The following COL2A1 variants were observed in gnomAD, a reference collection of about 807,000 sequenced individuals.
COL2A1 encodes collagen type II alpha 1 chain.
A neutral mutation model predicts 204.5 loss-of-function variants in COL2A1; 28 were observed. The observed-to-expected ratio is 0.14, with a 90% confidence interval of 0.10 to 0.19. The LOEUF (loss-of-function observed/expected upper bound fraction) is 0.19. Among genes scored for constraint, COL2A1 ranks in the 10% least tolerant of loss-of-function variants. The pLI, the probability that COL2A1 is intolerant of heterozygous loss-of-function variation, is 1.00. For missense variants in COL2A1, 1,388 were observed against 2,027.5 expected, an observed-to-expected ratio of 0.68 and a Z score of 6.06; for synonymous variants, 708 against 718.7, an observed-to-expected ratio of 0.99 and a Z score of 0.24.
At chr12:47,990,854 C>T (rs1463699738) in intron 16 of COL2A1, among the ~76,000 whole-genome samples, 1 of 152,142 alleles carries the variant, frequency 6.6e-6, no homozygotes, top group Non-Finnish European at 1.5e-5. Flanking sequence ...CTCTGGGGGC[C>T]ACAGGCTGGG....
rs1190060899 is a variant in COL2A1, at chr12:48,000,125, T to G, written c.86A>C (p.Gln29Pro). The G allele has an allele frequency of 3.1e-6, 5 of 1,611,076 alleles. No homozygotes were observed. ...AVLRCQGQDV[Q>P]EAGSCVQDGQ... is the part of the protein sequence containing the mutation. ...ATCCTGCACACAGCTGCCAGCCTCC[T>G]CTGCACCAAGGGTGGGGAGGGAGAA... The change falls in exon 2 of 54, where the codon CAG becomes CCG. Residue 29 changes from glutamine to proline, a missense_variant and splice_region_variant. By Grantham distance (76) the Gln-to-Pro change is moderately conservative. Transcript: ENST00000380518.
rs1261996961 is a variant in COL2A1, at chr12:47,987,055, TG to T, written c.1365+22del. The T allele has an allele frequency of 1.9e-6, 3 of 1,609,372 alleles. No individual in the cohort carries two copies. The East Asian group carries it at 6.7e-5, about 36-fold the overall frequency. On this transcript the variant is annotated intron_variant, in intron 21 of 53. Coordinates refer to ENST00000380518, the MANE Select transcript of COL2A1 (RefSeq NM_001844.5). The surrounding 1 kb of genome is among the most constrained non-coding windows in gnomAD (Gnocchi z 4.1). The stretch of plus-strand genomic sequence containing the variant: ...TGACTCCAGAGATGTCAGTGGAACT[TG>T]GGGGTCACTTTGGGCTCTTACCGTC...
Position 47,995,761 on chromosome 12 carries a change from C to T in COL2A1, c.657G>A (p.Gly219=). The part of the protein sequence containing the change: ...RGPPGPAGAP[G]PQGFQGNPGE... ...CAGGATTGCCTTGAAATCCTTGAGG[C>T]CCCTAAAAAGTAAAATGAGGATACC... is the stretch of plus-strand genomic sequence containing the variant. The change falls in exon 10 of 54, where the codon GGG becomes GGA. Residue 219 remains glycine (G), a splice_region_variant and synonymous_variant. Coordinates refer to ENST00000380518, the MANE Select transcript of COL2A1 (RefSeq NM_001844.5). 1 of 1,613,918 alleles carries T rather than the reference C, an allele frequency of 6.2e-7. No individual in the cohort carries two copies. The highest frequency in any genetic ancestry group is 1.3e-5 in the African/African-American group (1 of 74,962).
Position 47,987,211 on chromosome 12 carries a change from G to A in COL2A1, c.1267-35C>T, listed in dbSNP as rs766408255. On this transcript the variant is annotated intron_variant, in intron 20 of 53. Transcript: ENST00000380518. The surrounding 1 kb of genome is among the most constrained non-coding windows in gnomAD (Gnocchi z 4.1). ...TGAGAAGAAGGGAGGGGTGTCAGGA[G>A]AGGGGAGAGGCAGGACTGGGCTCTC... is the stretch of plus-strand genomic sequence containing the variant. 6.2e-7 allele frequency: 1 copy of A among 1,612,850 alleles called. No homozygotes were observed. The highest frequency in any genetic ancestry group is 1.3e-5 in the African/African-American group (1 of 74,890).
Position 47,999,989 on chromosome 12 carries a change from G to A in COL2A1, c.222C>T (p.Asp74=), listed in dbSNP as rs527800991. 6.2e-7 allele frequency: 1 copy of A among 1,614,238 alleles called. No individual in the cohort carries two copies. The highest frequency in any genetic ancestry group is 2.2e-5 in the East Asian group (1 of 44,890). The change falls in exon 2 of 54, where the codon GAC becomes GAT. Residue 74 remains aspartate, a synonymous_variant. Transcript: ENST00000380518. ...CDDIICEDVK[D]CLSPEIPFGE... is the part of the protein sequence containing the mutation. ...CGAAGGGGATCTCAGGGCTGAGGCAGTCTTTCACGTCTTCACAGATTATGT... is the reference window on the plus strand; with the variant it reads ...CGAAGGGGATCTCAGGGCTGAGGCAATCTTTCACGTCTTCACAGATTATGT...
intron 1 of COL2A1, among the ~76,000 whole-genome samples, chr12:48,003,315 ACACACACACACACG>A (rs1376661173): frequency 1.3e-5 from 2 of 150,974 alleles, no homozygotes; most frequent in Admixed American, 1.3e-4. Context: ...ACACACACAT[ACACACACACACACG>A]CACACACACA....
chr12:47,999,935 G>A lies in COL2A1; in HGVS notation c.276C>T (p.Asp92=), dbSNP rs748367231. The A allele has an allele frequency of 1.9e-5, 30 of 1,613,972 alleles. No individual in the cohort carries two copies. The highest frequency in any genetic ancestry group is 2.5e-5 in the Non-Finnish European group (29 of 1,179,928). ...AATTACAACCACTGGCAGTGGCGAG[G>A]TCAGTTGGGCAGATGGGGCAGCACT... ...FGECCPICPT[D]LATASGQPGP... Residue 92 remains aspartate (D), a synonymous_variant, in exon 2 of 54, where the codon GAC becomes GAT. Transcript: ENST00000380518.
intron 18 of COL2A1, among the ~76,000 whole-genome samples, chr12:47,988,171 C>T (rs1939529670): frequency 6.6e-6 from 1 of 152,202 alleles, no homozygotes; most frequent in Admixed American, 6.5e-5. Context: ...CAGAGCACCA[C>T]CTCACTCCCA....
chr12:47,992,879 G>A lies in COL2A1; in HGVS notation c.1022C>T (p.Ala341Val), dbSNP rs368068067. ...TGTTTGGCTTTGTCAATTACTCACCGCAGCGCCAGCAGGGCCAGTCCGTCC... is the reference window on the plus strand; with the variant it reads ...TGTTTGGCTTTGTCAATTACTCACCACAGCGCCAGCAGGGCCAGTCCGTCC... ...ERGRTGPAGA[A>V]GARGNDGQPG... The change falls in exon 16 of 54, where the codon GCG (alanine) becomes GTG (valine). Residue 341 changes from alanine (A) to valine (V), a missense_variant and splice_region_variant. Ala to Val is a moderately conservative substitution (Grantham distance 64). Transcript: ENST00000380518. 2.2e-5 allele frequency: 35 copies of A among 1,614,090 alleles called. No individual in the cohort carries two copies. Among genetic ancestry groups the A allele is most frequent in the South Asian group, 6.6e-5 (6 of 91,072 alleles).
chr12:47,982,465 C>T (rs1391966898), intron 34 of COL2A1, 37 bp downstream of exon 34: 1 of 1,543,456 alleles, frequency 6.5e-7, no homozygotes, highest in East Asian at 2.2e-5. Flanking sequence ...GTGGCAAAGC[C>T]ACAGCTTTGG....
chr12:47,986,915 C>T (rs1267906804), intron 21 of COL2A1, 27 bp from the exon 22 acceptor site: 5 of 1,613,892 alleles, frequency 3.1e-6, no homozygotes, highest in Admixed American at 1.7e-5. Flanking sequence ...GGTCCTCACA[C>T]CAGATTCTCT....
At chr12:47,990,778 T>G (rs1939664420) in intron 16 of COL2A1, among the ~76,000 whole-genome samples, 1 of 152,110 alleles carries the variant, frequency 6.6e-6, no homozygotes, top group Admixed American at 6.5e-5. Context: ...TTCTGCCAAG[T>G]TTGTGGTGGC....
At position 47,974,759 on chromosome 12, in the gene COL2A1, G is replaced by A. The variant is rs373464470; in HGVS notation, c.3990C>T (p.Asn1330=). ...TGCTCCACCAGTTCTTCTTGGGAAC[G>A]TTTGCTGGATTGGGGTAGACGCAAG... ...GETCVYPNPA[N]VPKKNWWSSK... is the part of the protein sequence containing the mutation. Residue 1330 remains asparagine (N), a synonymous_variant, in exon 52 of 54, where the codon AAC becomes AAT. Transcript: ENST00000380518. 24 of 1,614,104 alleles carry A rather than the reference G, an allele frequency of 1.5e-5. No homozygotes were observed. In the African/African-American group the frequency reaches 2.1e-4, roughly 14 times the overall value.
intron 11 of COL2A1, among the ~76,000 whole-genome samples, chr12:47,994,838 C>A (rs576082632): frequency 6.6e-6 from 1 of 152,338 alleles, no homozygotes; most frequent in South Asian, 2.1e-4. Context: ...ATTCTTGTCT[C>A]TTCATTTCGT....
rs1006617881 is a variant in COL2A1 at position 47,974,970 on chromosome 12, G to A, written c.3887-108C>T. On this transcript the variant is annotated intron_variant, in intron 51 of 53. Transcript: ENST00000380518. ...AGACAGAGAGGCCTACAGGGACAAG[G>A]GATGAGGTTCACATGTGGCCTGAAA... The A allele has an allele frequency of 5.1e-6, 6 of 1,187,144 alleles. No individual in the cohort carries two copies. In the African/African-American group the frequency reaches 9.2e-5, roughly 18 times the overall value. The allele number at this position is 1,187,144 out of a possible 1,614,324, so 73.5% of individuals were successfully genotyped here. A position where few individuals can be genotyped will look rare whatever the true frequency, so the allele number is the denominator to read the frequency against.
chr12:47,995,456 G>A, intron 10 of COL2A1, 148 bp from the exon 11 acceptor site: 1 of 835,750 alleles, frequency 1.2e-6, no homozygotes, highest in South Asian at 1.4e-5. Flanking sequence ...AGAGATCATA[G>A]TGGGACGCAG....
intron 18 of COL2A1, 26 bp downstream of exon 18, chr12:47,989,202 T>A: frequency 6.2e-7 from 1 of 1,602,618 alleles, no homozygotes; most frequent in Non-Finnish European, 8.5e-7. Context: ...ACCCAGAAGT[T>A]CCTGACTGGA....
chr12:47,986,733 G>A, intron 22 of COL2A1, 102 bp downstream of exon 22: 2 of 1,345,676 alleles, frequency 1.5e-6, no homozygotes, highest in Non-Finnish European at 2.1e-6. Flanking sequence ...CCAGATTGGG[G>A]GATAGAGCCC....
chr12:47,980,740 G>A lies in COL2A1; in HGVS notation c.2518-79C>T, dbSNP rs946603366. 8.3e-6 allele frequency: 12 copies of A among 1,447,330 alleles called. No individual in the cohort carries two copies. The East Asian group carries it at 9.8e-5, about 12-fold the overall frequency. 89.7% of individuals were successfully genotyped at this position (1,447,330 alleles called of 1,614,324 possible). On this transcript the variant is annotated intron_variant, in intron 38 of 53. Transcript: ENST00000380518. The surrounding 1 kb of genome is among the most constrained non-coding windows in gnomAD (Gnocchi z 4.5). ...CTCTTCCAGAAGAGCAGGAGACTCT[G>A]TGAGTATCTGCGTGTGTGTCCTGGT...
Sources: gnomAD v4.1 joint callset for allele counts (sites outside exome capture counted in the v4.1 genomes callset) on GRCh38, gnomAD v4.1.1 for gene constraint, Gnocchi (gnomAD v3.1) non-coding constraint, MANE v1.5 for transcripts, NCBI Gene and HGNC (gene_info 2026-07-23, HGNC 2026-07-21) for gene names.